Variants in ARL5B observed in about 807,000 individuals in gnomAD.
ARL5B encodes ARF like GTPase 5B, also known as ADP-ribosylation factor-like protein 5B.
A neutral mutation model predicts 26.9 loss-of-function variants in ARL5B; 10 were observed. The observed-to-expected ratio is 0.37, with a 90% CI of 0.23 to 0.63. ARL5B has a LOEUF of 0.63. Among genes scored for constraint, ARL5B ranks in the 30% least tolerant of loss-of-function variants. ARL5B has a pLI of 0.62. For synonymous variants in ARL5B, 87 were observed against 70.4 expected (o/e 1.24, Z -1.18); for missense variants, 167 against 213.9 (o/e 0.78, Z 1.37).
chr10:18,663,709 C>T (rs970733879), intron 1 of ARL5B, among the ~76,000 whole-genome samples: 11 of 151,476 alleles, frequency 7.3e-5, no homozygotes, highest in East Asian at 3.9e-4. Context: ...CCACCACGCC[C>T]GGCTGATTTT....
At chr10:18,674,863 T>C (rs1387065202) in intron 5 of ARL5B, among the ~76,000 whole-genome samples, 2 of 152,118 alleles carry the variant, frequency 1.3e-5, no homozygotes, top group Admixed American at 6.5e-5. Context: ...CTATTGACTT[T>C]CTCCAGTCGT....
chr10:18,665,716 C>T (rs77374243), intron 1 of ARL5B, among the ~76,000 whole-genome samples: 127 of 152,316 alleles, frequency 8.3e-4, no homozygotes, highest in African/African-American at 2.9e-3. Flanking sequence ...CCTACTTACC[C>T]TGTTGATGTT....
rs1041562456 is a variant in ARL5B, at chr10:18,678,494, T to TA, written c.*3284dup. Reference sequence around the variant, plus strand: ...ATTTTAAAGAATATAGAAGCTTTTTTAAAAAATCTTTTTAGTGTAGTTTCT... The same window carrying TA: ...ATTTTAAAGAATATAGAAGCTTTTTTAAAAAAATCTTTTTAGTGTAGTTTCT... On this transcript the variant is annotated 3_prime_UTR_variant, in exon 6 of 6. Coordinates refer to ENST00000377275, the MANE Select transcript of ARL5B (RefSeq NM_178815.5). 6.6e-6 allele frequency: 1 copy of TA among 151,924 alleles called. No individual in the cohort carries two copies. Among genetic ancestry groups the TA allele is most frequent in the Non-Finnish European group, 1.5e-5 (1 of 67,812 alleles). The allele number at this position is 151,924 out of a possible 1,614,324, so 9.4% of individuals were successfully genotyped here. A position where few individuals can be genotyped will look rare whatever the true frequency, so the allele number is the denominator to read the frequency against.
Position 18,676,170 on chromosome 10 carries a change from C to A in ARL5B, c.*954C>A, listed in dbSNP as rs1184226313. On this transcript the variant is annotated 3_prime_UTR_variant, in exon 6 of 6. Transcript: ENST00000377275. ...GCAGTAGCTGAAGCCGAAGTATGAA[C>A]AGTCCATTTTGTTTCTTAAAATTTG... 6.6e-6 allele frequency: 1 copy of A among 152,472 alleles called. No individual in the cohort carries two copies. The highest frequency in any genetic ancestry group is 1.5e-5 in the Non-Finnish European group (1 of 67,918). 9.4% of individuals were successfully genotyped at this position (152,472 alleles called of 1,614,324 possible).
intron 3 of ARL5B, among the ~76,000 whole-genome samples, 168 bp from the exon 4 acceptor site, chr10:18,672,454 T>C (rs1014391439): frequency 9.9e-5 from 15 of 152,212 alleles, no homozygotes; most frequent in Non-Finnish European, 1.8e-4. Context: ...ATTTTACTGC[T>C]TGATGTGGTT....
intron 3 of ARL5B, among the ~76,000 whole-genome samples, chr10:18,672,221 C>A (rs1202699777): frequency 1.3e-5 from 2 of 152,088 alleles, no homozygotes; most frequent in Non-Finnish European, 2.9e-5. Context: ...CACAAGTAAG[C>A]AATTATTGAC....
chr10:18,678,284 ATAAATT>A lies in ARL5B; in HGVS notation c.*3072_*3077del, dbSNP rs1197332071. On this transcript the variant is annotated 3_prime_UTR_variant, in exon 6 of 6. Coordinates refer to ENST00000377275, the MANE Select transcript of ARL5B (RefSeq NM_178815.5). ...TTCTATATTCATTAGAAGAAAGGTAATAAATTTAAGTTTCATTGCTGAAAAATTTTA... is the reference window on the plus strand; with the variant it reads ...TTCTATATTCATTAGAAGAAAGGTAATAAGTTTCATTGCTGAAAAATTTTA... 3 of 151,600 alleles carry A rather than the reference ATAAATT, an allele frequency of 2.0e-5. No homozygotes were observed. The highest frequency in any genetic ancestry group is 7.3e-5 in the African/African-American group (3 of 41,346). The allele number at this position is 151,600 out of a possible 1,614,324, so 9.4% of individuals were successfully genotyped here.
At chr10:18,662,008 G>A (rs547209872) in intron 1 of ARL5B, among the ~76,000 whole-genome samples, 10 of 152,346 alleles carry the variant, frequency 6.6e-5, no homozygotes, top group African/African-American at 2.4e-4. Flanking sequence ...AGCAAGGAAT[G>A]GGACTCACTG....
intron 3 of ARL5B, among the ~76,000 whole-genome samples, chr10:18,669,599 T>C (rs1264290265): frequency 1.3e-5 from 2 of 152,156 alleles, no homozygotes; most frequent in Non-Finnish European, 2.9e-5. Context: ...TTAGAGAGAT[T>C]TATCCTTGAT....
At position 18,677,438 on chromosome 10, in the gene ARL5B, C is replaced by T. The variant is rs1016001686; in HGVS notation, c.*2222C>T. The T allele has an allele frequency of 5.9e-5, 9 of 151,986 alleles. No homozygotes were observed. Among genetic ancestry groups the T allele is most frequent in the African/African-American group, 1.9e-4 (8 of 41,324 alleles). 9.4% of individuals were successfully genotyped at this position (151,986 alleles called of 1,614,324 possible). On this transcript the variant is annotated 3_prime_UTR_variant, in exon 6 of 6. Transcript: ENST00000377275. ...TTGGATTAGAAATGATTTATGTTAG[C>T]CATGTGTTGAAGATGAAATTGGCAT...
intron 1 of ARL5B, among the ~76,000 whole-genome samples, chr10:18,662,800 T>C (rs2059843008): frequency 6.6e-6 from 1 of 150,972 alleles, no homozygotes; most frequent in African/African-American, 2.4e-5. Flanking sequence ...ATCTCCTGGG[T>C]TCAAGCAATT....
intron 1 of ARL5B, among the ~76,000 whole-genome samples, chr10:18,666,143 A>C (rs1380167652): frequency 6.6e-6 from 1 of 152,254 alleles, no homozygotes; most frequent in East Asian, 1.9e-4. Flanking sequence ...ATCCTGGTAT[A>C]CATAGGTGGG....
intron 1 of ARL5B, among the ~76,000 whole-genome samples, chr10:18,665,671 A>G (rs1018833424): frequency 6.6e-6 from 1 of 152,202 alleles, no homozygotes; most frequent in Non-Finnish European, 1.5e-5. Context: ...ATCGTTGCCT[A>G]CAAATCAACT....
At chr10:18,666,315 C>A (rs1178675429) in intron 1 of ARL5B, among the ~76,000 whole-genome samples, 1 of 152,206 alleles carries the variant, frequency 6.6e-6, no homozygotes, top group Admixed American at 6.5e-5. Flanking sequence ...ATATAAGTGA[C>A]CAACTTTGCT....
chr10:18,664,690 G>A (rs2059853290), intron 1 of ARL5B, among the ~76,000 whole-genome samples: 3 of 151,778 alleles, frequency 2.0e-5, no homozygotes, highest in Admixed American at 6.6e-5. Flanking sequence ...CTCCCACCTC[G>A]GCCTCCCAAA....
chr10:18,667,303 A>C (rs1184576178), intron 2 of ARL5B, among the ~76,000 whole-genome samples: 1 of 152,230 alleles, frequency 6.6e-6, no homozygotes, highest in Non-Finnish European at 1.5e-5. Context: ...TTGCATTAGA[A>C]GACAGCCATC....
chr10:18,664,206 C>G (rs2059850285), intron 1 of ARL5B, among the ~76,000 whole-genome samples: 1 of 152,030 alleles, frequency 6.6e-6, no homozygotes. Context: ...CCCACCTCAG[C>G]CTACTGAAGT....
intron 1 of ARL5B, among the ~76,000 whole-genome samples, chr10:18,664,314 T>A (rs2059850788): frequency 1.3e-5 from 2 of 151,978 alleles, no homozygotes; most frequent in African/African-American, 4.8e-5. Context: ...CTCAAACTCC[T>A]AGATTTAACT....
Position 18,674,117 on chromosome 10 carries a change from G to T in ARL5B, c.473G>T (p.Cys158Phe). ...KDHPWHIQSCCALTGEGLCQG... is the reference protein window; with the variant it reads ...KDHPWHIQSCFALTGEGLCQG... ...CATCCATGGCACATTCAATCCTGCT[G>T]TGCTCTCACAGGAGAAGGGTAAGTT... The change falls in exon 5 of 6, where the codon TGT (cysteine) becomes TTT (phenylalanine). Residue 158 changes from cysteine (C) to phenylalanine (F), a missense_variant. By Grantham distance (205) the Cys-to-Phe change is radical. Coordinates refer to ENST00000377275, the MANE Select transcript of ARL5B (RefSeq NM_178815.5). 1 of 1,611,108 alleles carries T rather than the reference G, an allele frequency of 6.2e-7. No homozygotes were observed. Among genetic ancestry groups the T allele is most frequent in the Non-Finnish European group, 8.5e-7 (1 of 1,178,692 alleles).
Sources: allele counts gnomAD v4.1 joint callset (sites outside exome capture counted in the v4.1 genomes callset), GRCh38; gene constraint gnomAD v4.1.1; transcripts MANE v1.5; gene names NCBI Gene and HGNC (gene_info 2026-07-23, HGNC 2026-07-21).